TNFRSF10B: variants seen among roughly 807,000 people sequenced by gnomAD.
TNFRSF10B encodes the protein TNF receptor superfamily member 10b.
A neutral mutation model predicts 41.4 loss-of-function variants in TNFRSF10B; 35 were observed. The observed-to-expected ratio is 0.85, with a 90% confidence interval of 0.65 to 1.12. The LOEUF (loss-of-function observed/expected upper bound fraction) is 1.12, where lower values mean the gene tolerates loss of function less well. Among genes scored for constraint, TNFRSF10B ranks in the 50% most tolerant of loss-of-function variants. The pLI, the probability that TNFRSF10B is intolerant of heterozygous loss-of-function variation, is 0.00. For synonymous variants in TNFRSF10B, 230 were observed against 215.5 expected, an observed-to-expected ratio of 1.07 and a Z score of -0.59; for missense variants, 584 against 552.7, an observed-to-expected ratio of 1.06 and a Z score of -0.57.
intron 1 of TNFRSF10B, among the ~76,000 whole-genome samples, chr8:23,055,036 CG>C (rs2128819254): frequency 6.6e-6 from 1 of 152,230 alleles, no homozygotes; most frequent in Non-Finnish European, 1.5e-5. Context: ...TAGTCTTCCT[CG>C]ATGTTTTTCA....
intron 2 of TNFRSF10B, among the ~76,000 whole-genome samples, chr8:23,033,367 G>A (rs1179352457): frequency 3.9e-5 from 6 of 151,956 alleles, no homozygotes; most frequent in African/African-American, 4.8e-5. Flanking sequence ...GGCGGATCAC[G>A]AGGTCAGGAG....
At position 23,047,080 on chromosome 8, in the gene TNFRSF10B, A is replaced by G. The variant is rs188459235; in HGVS notation, c.145-3837T>C. The stretch of plus-strand genomic sequence containing the variant: ...TTTAAAATTTGACCCCTAAAGTGCA[A>G]AAAACAAAAGCAAAAATAGACAAAT... On this transcript the variant is annotated intron_variant, in intron 1 of 8. Transcript: ENST00000276431. 3.3e-5 allele frequency among the ~76,000 whole-genome samples: 5 copies of G among 152,330 alleles called. No individual in the cohort carries two copies. In the East Asian group the frequency reaches 9.6e-4, roughly 29 times the overall value.
intron 1 of TNFRSF10B, among the ~76,000 whole-genome samples, chr8:23,055,677 T>C (rs939991222): frequency 1.3e-5 from 2 of 152,250 alleles, no homozygotes; most frequent in South Asian, 2.1e-4. Context: ...ACAAGTTTTA[T>C]TGGGGGTTTT....
At chr8:23,042,393 C>G (rs1158277471) in intron 2 of TNFRSF10B, among the ~76,000 whole-genome samples, 1 of 152,216 alleles carries the variant, frequency 6.6e-6, no homozygotes, top group African/African-American at 2.4e-5. Flanking sequence ...CAATCAATTC[C>G]TAACTCATAC....
chr8:23,041,821 C>G (rs1236975214), intron 2 of TNFRSF10B, among the ~76,000 whole-genome samples: 1 of 152,158 alleles, frequency 6.6e-6, no homozygotes, highest in Non-Finnish European at 1.5e-5. Context: ...GATGGAAGTT[C>G]TCCAACTGCT....
rs188451803 is a variant in TNFRSF10B at position 23,021,371 on chromosome 8, T to C, written c.*1300A>G. On this transcript the variant is annotated 3_prime_UTR_variant, in exon 9 of 9. Transcript: ENST00000276431. ...CAGCTCATGGGCTCAGGGTGACAGA[T>C]AACCAGAAGTGAGCCGGGCCATCTA... The C allele has an allele frequency of 6.8e-5, 31 of 454,106 alleles. No individual in the cohort carries two copies. Among genetic ancestry groups the C allele is most frequent in the Non-Finnish European group, 1.2e-4 (27 of 226,794 alleles). The allele number at this position is 454,106 out of a possible 1,614,324, so 28.1% of individuals were successfully genotyped here. A position where few individuals can be genotyped will look rare whatever the true frequency, so the allele number is the denominator to read the frequency against.
chr8:23,043,101 A>T (rs766842235), intron 2 of TNFRSF10B, 37 bp downstream of exon 2: 1 of 1,574,532 alleles, frequency 6.4e-7, no homozygotes, highest in Non-Finnish European at 8.7e-7. Flanking sequence ...AGACAAGGGG[A>T]GGAGGGGCAA....
At chr8:23,041,840 G>GCC (rs1314550644) in intron 2 of TNFRSF10B, among the ~76,000 whole-genome samples, 1 of 152,126 alleles carries the variant, frequency 6.6e-6, no homozygotes. Flanking sequence ...CTCCTGCTCA[G>GCC]CCCATTGCAG....
intron 1 of TNFRSF10B, among the ~76,000 whole-genome samples, chr8:23,047,057 T>A (rs1265575109): frequency 1.3e-5 from 2 of 152,176 alleles, no homozygotes; most frequent in East Asian, 3.8e-4. Context: ...CAACATTTTT[T>A]AAAATTTGAC....
chr8:23,024,207 A>T lies in TNFRSF10B; in HGVS notation c.990T>A (p.Asn330Lys), dbSNP rs1228486775. Residue 330 changes from asparagine to lysine, a missense_variant, in exon 8 of 9, where the codon AAT (asparagine) becomes AAA (lysine). By Grantham distance (94) the Asn-to-Lys change is moderately conservative. Transcript: ENST00000276431. ...SQRRRLLVPA[N>K]EGDPTETLRQ... ...ACTTACTCTCAGTGGGATCACCTTC[A>T]TTTGCTGGAACCAGCAGCCTCCTCC... 2.0e-5 allele frequency: 32 copies of T among 1,613,880 alleles called. No individual in the cohort carries two copies. Among genetic ancestry groups the T allele is most frequent in the Non-Finnish European group, 2.5e-5 (30 of 1,179,992 alleles).
intron 1 of TNFRSF10B, among the ~76,000 whole-genome samples, chr8:23,064,926 T>C (rs1478163566): frequency 7.9e-5 from 12 of 152,192 alleles, no homozygotes. Context: ...CAAACCATAT[T>C]ATCCTGGCCA....
rs115999720 is a variant in TNFRSF10B at position 23,020,184 on chromosome 8, A to C, written c.*2487T>G. ...TTGGTCATGGATTCATAAATACATA[A>C]GTATTTTGTACACAATGTGCTTCCT... is the stretch of plus-strand genomic sequence containing the variant. On this transcript the variant is annotated 3_prime_UTR_variant, in exon 9 of 9. Transcript: ENST00000276431. 2 of 429,692 alleles carry C rather than the reference A, an allele frequency of 4.7e-6. No homozygotes were observed. The highest frequency in any genetic ancestry group is 7.5e-4 in the Middle Eastern group (1 of 1,334). 26.6% of individuals were successfully genotyped at this position (429,692 alleles called of 1,614,324 possible).
chr8:23,037,025 G>A (rs1812049118), intron 2 of TNFRSF10B, among the ~76,000 whole-genome samples: 1 of 152,214 alleles, frequency 6.6e-6, no homozygotes, highest in African/African-American at 2.4e-5. Flanking sequence ...TGGGGAAGAG[G>A]TGTGTGGATA....
In TNFRSF10B at chr8:23,030,968, A is replaced by C. The variant is rs1273684226; in HGVS notation, c.251-96T>G. The C allele has an allele frequency of 3.5e-6, 3 of 858,074 alleles. No individual in the cohort carries two copies. In the African/African-American group the frequency reaches 5.0e-5, roughly 14 times the overall value. The allele number at this position is 858,074 out of a possible 1,614,324, so 53.2% of individuals were successfully genotyped here. A position where few individuals can be genotyped will look rare whatever the true frequency, so the allele number is the denominator to read the frequency against. On this transcript the variant is annotated intron_variant, in intron 2 of 8. Coordinates refer to ENST00000276431, the MANE Select transcript of TNFRSF10B (RefSeq NM_003842.5). ...GGACTCCTCTTTCAGGGATGTGTGGAACCAAAAGAGGGAAATCTCCTCTAC... is the reference window on the plus strand; with the variant it reads ...GGACTCCTCTTTCAGGGATGTGTGGCACCAAAAGAGGGAAATCTCCTCTAC...
rs1440129771 is a variant in TNFRSF10B at position 23,028,163 on chromosome 8, T to C, written c.748+168A>G. On this transcript the variant is annotated intron_variant, in intron 5 of 8. Coordinates refer to ENST00000276431, the MANE Select transcript of TNFRSF10B (RefSeq NM_003842.5). ...AGAGGGACTGAAGAGACCAGGGTCC[T>C]GGGGGGTGCACGGGATGTGGGGATG... is the stretch of plus-strand genomic sequence containing the variant. The C allele has an allele frequency of 4.6e-6, 4 of 864,172 alleles. No homozygotes were observed. The African/African-American group carries it at 6.7e-5, about 14-fold the overall frequency. The allele number at this position is 864,172 out of a possible 1,614,324, so 53.5% of individuals were successfully genotyped here. A position where few individuals can be genotyped will look rare whatever the true frequency, so the allele number is the denominator to read the frequency against.
At chr8:23,032,992 G>A (rs569973875) in intron 2 of TNFRSF10B, among the ~76,000 whole-genome samples, 1 of 152,258 alleles carries the variant, frequency 6.6e-6, no homozygotes, top group Admixed American at 6.5e-5. Flanking sequence ...ATGTACAAGG[G>A]AACCTCAATA....
At chr8:23,057,770 T>C (rs1197343690) in intron 1 of TNFRSF10B, among the ~76,000 whole-genome samples, 2 of 152,230 alleles carry the variant, frequency 1.3e-5, no homozygotes, top group Non-Finnish European at 2.9e-5. Context: ...TTATTATGTC[T>C]ACCAGATGAA....
At chr8:23,062,881 C>T (rs1327464112) in intron 1 of TNFRSF10B, among the ~76,000 whole-genome samples, 5 of 152,210 alleles carry the variant, frequency 3.3e-5, no homozygotes, top group Non-Finnish European at 7.3e-5. Flanking sequence ...ATTGATTCAT[C>T]TCCACTACTC....
chr8:23,038,277 A>T (rs1048793469), intron 2 of TNFRSF10B, among the ~76,000 whole-genome samples: 1 of 152,150 alleles, frequency 6.6e-6, no homozygotes, highest in African/African-American at 2.4e-5. Flanking sequence ...TATAGCTCAG[A>T]CCCTTCAGGA....
Sources: gnomAD v4.1 joint callset for allele counts (sites outside exome capture counted in the v4.1 genomes callset) on GRCh38, gnomAD v4.1.1 for gene constraint, MANE v1.5 for transcripts, NCBI Gene and HGNC (gene_info 2026-07-23, HGNC 2026-07-21) for gene names.